Variants in CAPN1 observed in about 807,000 individuals in gnomAD.
CAPN1 encodes calpain-1 catalytic subunit.
CAPN1 carries 77 observed loss-of-function variants against 105.2 expected under a neutral mutation model. That is an observed-to-expected ratio of 0.73 (90% confidence interval 0.61 to 0.88). CAPN1 has a LOEUF of 0.88. Among genes scored for constraint, CAPN1 ranks in the 40% least tolerant of loss-of-function variants. The pLI is 0.00. For synonymous variants in CAPN1, 355 were observed against 388.8 expected (o/e 0.91, Z 1.02); for missense variants, 833 against 976.6 (o/e 0.85, Z 1.96).
intron 10 of CAPN1, among the ~76,000 whole-genome samples, chr11:65,195,375 G>A (rs7116875): frequency 0.39 from 59,004 of 151,872 alleles, 11,885 homozygotes; most frequent in Middle Eastern, 0.54. Flanking sequence ...ATCTGCCCAC[G>A]TCAGCCTCCC....
Position 65,186,270 on chromosome 11 carries a change from C to T in CAPN1, c.691C>T (p.Pro231Ser). The change falls in exon 6 of 22, where the codon CCC becomes TCC. Residue 231 changes from proline (P) to serine (S), a missense_variant. Pro to Ser is a moderately conservative substitution (Grantham distance 74, BLOSUM62 -1). Coordinates refer to ENST00000279247, the MANE Select transcript of CAPN1 (RefSeq NM_005186.4). ...VTEWYELRKA[P>S]SDLYQIILKA... The stretch of plus-strand genomic sequence containing the variant: ...CGAGTGGTACGAGTTGCGCAAGGCT[C>T]CCAGTGACCTCTACCAGATCATCCT... The T allele has an allele frequency of 1.9e-6, 3 of 1,613,500 alleles. No homozygotes were observed. Among genetic ancestry groups the T allele is most frequent in the Non-Finnish European group, 2.5e-6 (3 of 1,179,686 alleles).
At chr11:65,193,756 C>A (rs1267706208) in intron 10 of CAPN1, among the ~76,000 whole-genome samples, 1 of 151,218 alleles carries the variant, frequency 6.6e-6, no homozygotes. Context: ...TGCTCTATTG[C>A]CCAGGCTGGA....
chr11:65,206,493 C>G lies in CAPN1; in HGVS notation c.1384C>G (p.Arg462Gly). Residue 462 changes from arginine to glycine, a missense_variant, in exon 13 of 22, where the codon CGT becomes GGT. Physicochemically the swap from Arg to Gly is moderately radical, Grantham distance 125. Transcript: ENST00000279247. The part of the protein sequence containing the change: ...LVGQPAVHLK[R>G]DFFLANASRA... ...GGGCCAGCCGGCCGTACACTTGAAG[C>G]GTGACTTCTTCCTGGCCAATGCGTC... 1.2e-6 allele frequency: 2 copies of G among 1,613,346 alleles called. No individual in the cohort carries two copies. Among genetic ancestry groups the G allele is most frequent in the East Asian group, 2.2e-5 (1 of 44,874 alleles).
intron 10 of CAPN1, among the ~76,000 whole-genome samples, chr11:65,201,837 T>A (rs1304223474): frequency 6.8e-6 from 1 of 147,908 alleles, no homozygotes; most frequent in Admixed American, 6.8e-5. Context: ...GTTTTTTTTT[T>A]TTTGAGACAC....
chr11:65,201,730 G>A (rs1432265820), intron 10 of CAPN1, among the ~76,000 whole-genome samples: 3 of 151,932 alleles, frequency 2.0e-5, no homozygotes, highest in Non-Finnish European at 1.5e-5. Context: ...GTGTTAGCCA[G>A]GATGGTCTCG....
At chr11:65,184,044 AC>A (rs1193546585) in intron 4 of CAPN1, among the ~76,000 whole-genome samples, 5 of 152,156 alleles carry the variant, frequency 3.3e-5, no homozygotes, top group Non-Finnish European at 5.9e-5. Flanking sequence ...GATTAAGTCT[AC>A]GTAAACCAGC....
At chr11:65,199,790 C>T (rs1295173383) in intron 10 of CAPN1, among the ~76,000 whole-genome samples, 1 of 152,060 alleles carries the variant, frequency 6.6e-6, no homozygotes, top group Non-Finnish European at 1.5e-5. Context: ...TTCATTTTTG[C>T]TCAAATTTTC....
chr11:65,209,980 T>G lies in CAPN1; in HGVS notation c.1864-38T>G. On this transcript the variant is annotated intron_variant, in intron 18 of 21. Transcript: ENST00000279247. This position sits in a 1 kb window ranked among gnomAD's most constrained non-coding sequence, Gnocchi z 4.1. ...GGCCGGGCAGGTGGGAAGGGCCGGGTGACTCAGCCTGGCCCTCACCCTCTG... is the reference window on the plus strand; with the variant it reads ...GGCCGGGCAGGTGGGAAGGGCCGGGGGACTCAGCCTGGCCCTCACCCTCTG... The G allele has an allele frequency of 6.2e-7, 1 of 1,610,598 alleles. No individual in the cohort carries two copies. The highest frequency in any genetic ancestry group is 1.7e-4 in the Middle Eastern group (1 of 6,054).
At chr11:65,207,982 C>T in intron 14 of CAPN1, 73 bp from the exon 15 acceptor site, 1 of 1,128,888 alleles carries the variant, frequency 8.9e-7, no homozygotes. Context: ...GTGACCTCAG[C>T]CCTCCCTCCA....
At chr11:65,207,996 G>A in intron 14 of CAPN1, 59 bp from the exon 15 acceptor site, 2 of 1,345,002 alleles carry the variant, frequency 1.5e-6, no homozygotes, top group Non-Finnish European at 2.1e-6. Context: ...CCCTCCAGCT[G>A]CCTCCACACG....
At chr11:65,199,365 AT>A (rs984743505) in intron 10 of CAPN1, among the ~76,000 whole-genome samples, 13 of 150,174 alleles carry the variant, frequency 8.7e-5, no homozygotes, top group Admixed American at 2.7e-4. Context: ...AAAAATCTTA[AT>A]TTTTTTTTTC....
At chr11:65,195,100 GTTTTTTTTTTTTT>G (rs60778423) in intron 10 of CAPN1, among the ~76,000 whole-genome samples, 1,191 of 90,912 alleles carry the variant, frequency 0.013, 28 homozygotes, top group Non-Finnish European at 0.015. Context: ...GTTTTTTGGG[GTTTTTTTTTTTTT>G]TTTTTTTTTT....
chr11:65,189,704 T>C (rs1173133073), intron 10 of CAPN1, among the ~76,000 whole-genome samples: 1 of 152,092 alleles, frequency 6.6e-6, no homozygotes, highest in African/African-American at 2.4e-5. Flanking sequence ...ACAAAACCCA[T>C]CTCCACTGGC....
intron 10 of CAPN1, among the ~76,000 whole-genome samples, chr11:65,195,118 T>G (rs1418242450): frequency 2.7e-5 from 4 of 146,026 alleles, no homozygotes; most frequent in Admixed American, 6.7e-5. Flanking sequence ...TTTTTTTTTT[T>G]TTTTTTTTTG....
chr11:65,210,707 A>T lies in CAPN1; in HGVS notation c.2060-107A>T. The T allele has an allele frequency of 1.1e-6, 1 of 911,148 alleles. No homozygotes were observed. Among genetic ancestry groups the T allele is most frequent in the Non-Finnish European group, 1.8e-6 (1 of 542,134 alleles). 56.4% of individuals were successfully genotyped at this position (911,148 alleles called of 1,614,324 possible). A position where few individuals can be genotyped will look rare whatever the true frequency, so the allele number is the denominator to read the frequency against. ...GCTTCAAGGGGTGTCAGCTTGCGGT[A>T]CTGTGGGGAGGTAGAGAGGGACCAG... is the stretch of plus-strand genomic sequence containing the variant. On this transcript the variant is annotated intron_variant, in intron 20 of 21. Coordinates refer to ENST00000279247, the MANE Select transcript of CAPN1 (RefSeq NM_005186.4). The surrounding 1 kb of genome is among the most constrained non-coding windows in gnomAD (Gnocchi z 4.3).
At position 65,209,314 on chromosome 11, in the gene CAPN1, T is replaced by C. The variant is rs1949008731; in HGVS notation, c.1730-9T>C. On this transcript the variant is annotated splice_polypyrimidine_tract_variant and intron_variant, in intron 16 of 21. Transcript: ENST00000279247. The surrounding 1 kb of genome is among the most constrained non-coding windows in gnomAD (Gnocchi z 4.1). ...TAGGTGGAGATGTTGGAATTGGTTTTTCTTGCAGACAAAGACCTGCGGACC... is the reference window on the plus strand; with the variant it reads ...TAGGTGGAGATGTTGGAATTGGTTTCTCTTGCAGACAAAGACCTGCGGACC... 6.2e-7 allele frequency: 1 copy of C among 1,612,916 alleles called. No homozygotes were observed. The highest frequency in any genetic ancestry group is 2.2e-5 in the East Asian group (1 of 44,850).
intron 10 of CAPN1, among the ~76,000 whole-genome samples, chr11:65,201,868 G>A (rs1272362868): frequency 4.0e-5 from 6 of 149,040 alleles, no homozygotes; most frequent in Non-Finnish European, 8.9e-5. Context: ...TGTTGCCCAG[G>A]CTGGAGTGCA....
Position 65,210,875 on chromosome 11 carries a change from G to A in CAPN1, c.2118+3G>A. 1 of 1,610,748 alleles carries A rather than the reference G, an allele frequency of 6.2e-7. No individual in the cohort carries two copies. Among genetic ancestry groups the A allele is most frequent in the Non-Finnish European group, 8.5e-7 (1 of 1,177,072 alleles). ...TTGTGACCTTTGACTTGTTTAAGGT[G>A]GGAACCTCCCTGGGCCCATGGTTGG... On this transcript the variant is annotated splice_donor_region_variant and intron_variant, in intron 21 of 21. Transcript: ENST00000279247. This position sits in a 1 kb window ranked among gnomAD's most constrained non-coding sequence, Gnocchi z 4.3.
rs17881255 is a variant in CAPN1, at chr11:65,185,943, C to T, written c.483C>T (p.Asp161=). 6.8e-4 allele frequency: 1,080 copies of T among 1,588,550 alleles called. 5 individuals carry two copies. In the African/African-American group the frequency reaches 0.01, roughly 15 times the overall value. ...FQLWQFGEWV[D]VVVDDLLPIK... ...TGTGGCAATTTGGGGAGTGGGTGGACGTGGTCGTGGATGACCTGCTGCCCA... is the reference window on the plus strand; with the variant it reads ...TGTGGCAATTTGGGGAGTGGGTGGATGTGGTCGTGGATGACCTGCTGCCCA... The change falls in exon 5 of 22, where the codon GAC becomes GAT. Residue 161 remains aspartate, a synonymous_variant. Coordinates refer to ENST00000279247, the MANE Select transcript of CAPN1 (RefSeq NM_005186.4).
Sources: gnomAD v4.1 joint callset for allele counts (sites outside exome capture counted in the v4.1 genomes callset) on GRCh38, gnomAD v4.1.1 for gene constraint, Gnocchi (gnomAD v3.1) non-coding constraint, MANE v1.5 for transcripts, NCBI Gene and HGNC (gene_info 2026-07-23, HGNC 2026-07-21) for gene names.